The following SDK1 variants were observed in gnomAD, a reference collection of about 807,000 sequenced individuals.
The protein encoded by SDK1 is sidekick cell adhesion molecule 1, also known as protein sidekick-1.
SDK1 carries 157 observed loss-of-function variants against 245.5 expected under a neutral mutation model. The observed-to-expected ratio is 0.64, with a 90% CI of 0.56 to 0.73. The LOEUF (loss-of-function observed/expected upper bound fraction) is 0.73, where lower values mean the gene tolerates loss of function less well. SDK1 is among the 30% of genes least tolerant of loss of function. SDK1 has a pLI of 0.00. For missense variants in SDK1, 3,583 were observed against 3,002.3 expected (o/e 1.19, Z -4.52); for synonymous variants, 1,647 against 1,278.5 (o/e 1.29, Z -6.15).
chr7:4,200,687 A>C (rs929252482), intron 35 of SDK1, among the ~76,000 whole-genome samples: 2 of 152,224 alleles, frequency 1.3e-5, no homozygotes, highest in Non-Finnish European at 2.9e-5. Flanking sequence ...TGGCCAGACC[A>C]CAAGAGCAGG....
At chr7:3,795,565 C>T (rs1036984105) in intron 4 of SDK1, among the ~76,000 whole-genome samples, 1 of 152,298 alleles carries the variant, frequency 6.6e-6, no homozygotes, top group East Asian at 1.9e-4. Flanking sequence ...TTACCCCTCA[C>T]TGTATCTGGC....
At position 4,268,372 on chromosome 7, in the gene SDK1, C is replaced by T. The variant is rs1451135201; in HGVS notation, c.*2988C>T. On this transcript the variant is annotated 3_prime_UTR_variant, in exon 45 of 45. Coordinates refer to ENST00000404826, the MANE Select transcript of SDK1 (RefSeq NM_152744.4). The stretch of plus-strand genomic sequence containing the variant: ...GGCCACACCCCCTCGGCCTCCTGCA[C>T]GGCCACCTTCTGGGTGAATCGGTCC... 1.7e-5 allele frequency: 18 copies of T among 1,056,408 alleles called. No individual in the cohort carries two copies. Among genetic ancestry groups the T allele is most frequent in the South Asian group, 2.8e-5 (1 of 35,370 alleles). 65.4% of individuals were successfully genotyped at this position (1,056,408 alleles called of 1,614,324 possible).
At chr7:3,736,133 G>T (rs73304218) in intron 4 of SDK1, among the ~76,000 whole-genome samples, 3 of 151,894 alleles carry the variant, frequency 2.0e-5, no homozygotes, top group Non-Finnish European at 4.4e-5. Flanking sequence ...TTCTTATTCC[G>T]TAGGTTGCAT....
intron 4 of SDK1, among the ~76,000 whole-genome samples, chr7:3,748,397 A>G (rs1463186926): frequency 6.6e-6 from 1 of 152,248 alleles, no homozygotes; most frequent in Non-Finnish European, 1.5e-5. Flanking sequence ...GGAACATTTC[A>G]TTGAATAGCC....
At chr7:4,132,174 A>G (rs1784871191) in intron 27 of SDK1, 151 bp from the exon 28 acceptor site, 1 of 568,178 alleles carries the variant, frequency 1.8e-6, no homozygotes, top group Non-Finnish European at 3.2e-6. Flanking sequence ...TCCAAAAGTC[A>G]TCAGTCCAAA....
At chr7:3,624,599 A>G (rs1782054221) in intron 2 of SDK1, among the ~76,000 whole-genome samples, 1 of 152,228 alleles carries the variant, frequency 6.6e-6, no homozygotes, top group East Asian at 1.9e-4. Context: ...AATACCAACA[A>G]ATTTTCACAA....
At chr7:3,370,072 G>T (rs1206986167) in intron 1 of SDK1, among the ~76,000 whole-genome samples, 2 of 152,222 alleles carry the variant, frequency 1.3e-5, no homozygotes, top group African/African-American at 4.8e-5. Context: ...ATAATAAATA[G>T]TATGAACATC....
intron 1 of SDK1, among the ~76,000 whole-genome samples, chr7:3,464,272 C>G (rs1297218579): frequency 6.6e-6 from 1 of 152,160 alleles, no homozygotes; most frequent in Non-Finnish European, 1.5e-5. Flanking sequence ...GCCTATAATC[C>G]TAACACTTTC....
intron 35 of SDK1, among the ~76,000 whole-genome samples, chr7:4,196,893 C>A (rs11769608): frequency 6.6e-6 from 1 of 152,120 alleles, no homozygotes; most frequent in African/African-American, 2.4e-5. Context: ...CTCTCCATCC[C>A]CTGACTTTTT....
chr7:3,540,774 C>T (rs1207921781), intron 1 of SDK1, among the ~76,000 whole-genome samples: 1 of 152,106 alleles, frequency 6.6e-6, no homozygotes, highest in African/African-American at 2.4e-5. Context: ...AGTCCAAGAT[C>T]ATATAAATTT....
intron 1 of SDK1, among the ~76,000 whole-genome samples, chr7:3,398,316 G>A (rs1345911434): frequency 6.6e-6 from 1 of 152,124 alleles, no homozygotes; most frequent in African/African-American, 2.4e-5. Context: ...GTAGTGATAA[G>A]GTGTTGCGGA....
chr7:3,779,039 G>A (rs2115009219), intron 4 of SDK1, among the ~76,000 whole-genome samples: 1 of 152,278 alleles, frequency 6.6e-6, no homozygotes, highest in African/African-American at 2.4e-5. Context: ...AGAGTAAAAT[G>A]AAATTAACAA....
In SDK1 at chr7:3,603,269, G is replaced by C. The variant is rs879660057; in HGVS notation, c.299-15811G>C. ...TGGCATTGAATCTGTAAATTACCTT[G>C]GGCAGTATGGCCATTTTCACGATAT... is the stretch of plus-strand genomic sequence containing the variant. On this transcript the variant is annotated intron_variant, in intron 1 of 44. Transcript: ENST00000404826. 1.9e-4 allele frequency among the ~76,000 whole-genome samples: 27 copies of C among 144,978 alleles called. No homozygotes were observed. In the South Asian group the frequency reaches 1.9e-3, roughly 10 times the overall value.
At chr7:4,050,586 G>A (rs1260296819) in intron 18 of SDK1, among the ~76,000 whole-genome samples, 10 of 152,148 alleles carry the variant, frequency 6.6e-5, no homozygotes, top group Non-Finnish European at 1.5e-4. Context: ...ACACACCTAC[G>A]TAATGCTGCC....
chr7:4,048,043 G>A (rs967129163), intron 17 of SDK1, among the ~76,000 whole-genome samples: 1 of 152,180 alleles, frequency 6.6e-6, no homozygotes, highest in African/African-American at 2.4e-5. Context: ...CCTGGGAAGA[G>A]AAGACTTGAG....
At chr7:3,789,655 C>A (rs1385326196) in intron 4 of SDK1, among the ~76,000 whole-genome samples, 1 of 152,192 alleles carries the variant, frequency 6.6e-6, no homozygotes, top group Non-Finnish European at 1.5e-5. Context: ...ATTAACTCTA[C>A]ACTTATATCA....
At chr7:4,139,723 G>GTGTGTGTGTGTA (rs1779436295) in intron 28 of SDK1, among the ~76,000 whole-genome samples, 5 of 135,222 alleles carry the variant, frequency 3.7e-5, no homozygotes, top group African/African-American at 1.6e-4. Context: ...GTGTGTGTAT[G>GTGTGTGTGTGTA]TGTGTGTGTG....
intron 4 of SDK1, among the ~76,000 whole-genome samples, chr7:3,721,371 G>T (rs1389224180): frequency 6.6e-6 from 1 of 152,118 alleles, no homozygotes; most frequent in African/African-American, 2.4e-5. Context: ...TTGGCACTGG[G>T]GCAGGTTGGG....
chr7:3,925,927 A>G (rs977642993), intron 5 of SDK1, among the ~76,000 whole-genome samples: 1 of 152,210 alleles, frequency 6.6e-6, no homozygotes, highest in African/African-American at 2.4e-5. Context: ...TGCCACAAGT[A>G]GGTTTTTGCA....
Sources: gnomAD v4.1 joint callset for allele counts (sites outside exome capture counted in the v4.1 genomes callset) on GRCh38, gnomAD v4.1.1 for gene constraint, MANE v1.5 for transcripts, NCBI Gene and HGNC (gene_info 2026-07-23, HGNC 2026-07-21) for gene names.